Variants in UGGT2 observed in about 807,000 individuals in gnomAD.
UGGT2 encodes the protein UDP-glucose glycoprotein glucosyltransferase 2.
In UGGT2, 180 loss-of-function variants were observed where a neutral mutation model predicts 192.1. That is an observed-to-expected ratio of 0.94 (90% CI 0.83 to 1.06). The LOEUF (loss-of-function observed/expected upper bound fraction) is 1.06, where lower values mean the gene tolerates loss of function less well. Ranked by LOEUF, UGGT2 falls within the 50% of genes least tolerant of loss-of-function variation. UGGT2 has a pLI of 0.00. For synonymous variants in UGGT2, 580 were observed against 591.0 expected (o/e 0.98, Z 0.27); for missense variants, 1,849 against 1,795.7 (o/e 1.03, Z -0.54).
intron 29 of UGGT2, among the ~76,000 whole-genome samples, chr13:95,868,920 A>G (rs908481767): frequency 9.9e-5 from 15 of 151,884 alleles, no homozygotes; most frequent in African/African-American, 3.1e-4. Flanking sequence ...GTTTTAGGGT[A>G]CATGTGCACA....
chr13:95,918,695 G>A (rs1182191052), intron 20 of UGGT2, among the ~76,000 whole-genome samples: 1 of 151,536 alleles, frequency 6.6e-6, no homozygotes, highest in East Asian at 1.9e-4. Context: ...TGGGGCATCA[G>A]AACCAACAAC....
At chr13:95,928,677 G>GGT (rs2049130804) in intron 17 of UGGT2, among the ~76,000 whole-genome samples, 1 of 152,034 alleles carries the variant, frequency 6.6e-6, no homozygotes, top group Admixed American at 6.5e-5. Context: ...TAGACGGGAT[G>GGT]ACGGCCGGGA....
chr13:95,936,798 A>G, intron 17 of UGGT2, 126 bp downstream of exon 17: 2 of 977,754 alleles, frequency 2.0e-6, no homozygotes, highest in Non-Finnish European at 2.9e-6. Flanking sequence ...ATCATTTTAA[A>G]AATCACTATG....
At chr13:95,892,228 A>G (rs1399975340) in intron 24 of UGGT2, among the ~76,000 whole-genome samples, 1 of 152,160 alleles carries the variant, frequency 6.6e-6, no homozygotes, top group Non-Finnish European at 1.5e-5. Flanking sequence ...AAGTTGTATG[A>G]AGCAGAATTC....
intron 2 of UGGT2, 106 bp downstream of exon 2, chr13:96,031,783 C>A: frequency 1.3e-6 from 1 of 745,404 alleles, no homozygotes; most frequent in Non-Finnish European, 2.1e-6. Context: ...GATTTACTAA[C>A]CCAGTGAAGC....
intron 7 of UGGT2, among the ~76,000 whole-genome samples, chr13:95,991,763 A>G (rs73562935): frequency 0.019 from 2,938 of 152,292 alleles, 95 homozygotes; most frequent in African/African-American, 0.067. Flanking sequence ...CATCATCTTA[A>G]TAACTTTCAC....
At chr13:95,972,125 A>G (rs982100345) in intron 11 of UGGT2, among the ~76,000 whole-genome samples, 1 of 124,392 alleles carries the variant, frequency 8.0e-6, no homozygotes, top group African/African-American at 3.0e-5. Context: ...TGAGCAAAAA[A>G]ATTTTGAAGA....
chr13:96,046,205 C>G (rs546778334), intron 1 of UGGT2, among the ~76,000 whole-genome samples: 2 of 152,006 alleles, frequency 1.3e-5, no homozygotes, highest in Non-Finnish European at 2.9e-5. Flanking sequence ...AACTGACCTT[C>G]GAGAAAGCAA....
At chr13:95,985,757 T>C (rs903389918) in intron 9 of UGGT2, among the ~76,000 whole-genome samples, 1 of 152,204 alleles carries the variant, frequency 6.6e-6, no homozygotes, top group Non-Finnish European at 1.5e-5. Context: ...TTGCATTGCA[T>C]GCACCGGTCT....
chr13:95,924,591 A>T (rs2048961962), intron 20 of UGGT2, among the ~76,000 whole-genome samples: 1 of 151,966 alleles, frequency 6.6e-6, no homozygotes, highest in Non-Finnish European at 1.5e-5. Flanking sequence ...TGCCCTGTAA[A>T]GCACCTTTCA....
chr13:96,041,023 G>C (rs1270422158), intron 1 of UGGT2, among the ~76,000 whole-genome samples: 1 of 152,180 alleles, frequency 6.6e-6, no homozygotes, highest in Admixed American at 6.5e-5. Context: ...CACTCAAATG[G>C]ACAGAGCAGC....
intron 29 of UGGT2, among the ~76,000 whole-genome samples, chr13:95,868,136 G>A (rs1443744127): frequency 6.6e-6 from 1 of 152,172 alleles, no homozygotes; most frequent in Non-Finnish European, 1.5e-5. Context: ...TTACTTTTGA[G>A]TTGTTATATA....
At chr13:95,860,682 AGGT>A (rs1379768847) in intron 32 of UGGT2, 103 bp downstream of exon 32, 5 of 575,088 alleles carry the variant, frequency 8.7e-6, no homozygotes, top group Non-Finnish European at 1.4e-5. Flanking sequence ...AAGGAAACAG[AGGT>A]GGGAGTTTTT....
At chr13:95,852,647 T>C (rs967446314) in intron 36 of UGGT2, among the ~76,000 whole-genome samples, 8 of 152,232 alleles carry the variant, frequency 5.3e-5, no homozygotes, top group Non-Finnish European at 1.0e-4. Context: ...TGCATGGTTG[T>C]GATAAAAATA....
At chr13:96,003,094 T>G (rs116631520) in intron 5 of UGGT2, among the ~76,000 whole-genome samples, 216 of 152,266 alleles carry the variant, frequency 1.4e-3, no homozygotes, top group African/African-American at 4.8e-3. Context: ...GGGGATGAGC[T>G]TGCCATGAAT....
At chr13:95,846,390 G>C (rs528919216) in intron 36 of UGGT2, among the ~76,000 whole-genome samples, 2 of 151,868 alleles carry the variant, frequency 1.3e-5, no homozygotes, top group East Asian at 2.0e-4. Flanking sequence ...GTCCAGCCTC[G>C]GCTGGGCATC....
chr13:96,000,331 T>G (rs1471568690), intron 5 of UGGT2, among the ~76,000 whole-genome samples: 1 of 152,218 alleles, frequency 6.6e-6, no homozygotes, highest in Non-Finnish European at 1.5e-5. Context: ...CCAAGCCTTA[T>G]TGATATGTAT....
chr13:95,856,074 G>T, intron 34 of UGGT2, 84 bp downstream of exon 34: 1 of 1,114,836 alleles, frequency 9.0e-7, no homozygotes, highest in East Asian at 2.5e-5. Context: ...TAATAAACAT[G>T]AGCAACATGA....
chr13:96,019,350 G>C (rs1251831387), intron 4 of UGGT2, among the ~76,000 whole-genome samples: 2 of 152,138 alleles, frequency 1.3e-5, no homozygotes, highest in Non-Finnish European at 2.9e-5. Flanking sequence ...GGACCCACAA[G>C]AATTCTACAC....
Sources: gnomAD v4.1 joint callset for allele counts (sites outside exome capture counted in the v4.1 genomes callset) on GRCh38, gnomAD v4.1.1 for gene constraint, MANE v1.5 for transcripts, NCBI Gene and HGNC (gene_info 2026-07-23, HGNC 2026-07-21) for gene names.